The following TNRC6C variants were observed in gnomAD, a reference collection of about 807,000 sequenced individuals.
TNRC6C encodes the protein trinucleotide repeat containing adaptor 6C, also known as trinucleotide repeat-containing gene 6C protein.
Under a neutral mutation model 153.7 loss-of-function variants are expected in TNRC6C, and 20 were observed. That is an observed-to-expected ratio of 0.13 (90% CI 0.09 to 0.19). TNRC6C has a LOEUF of 0.19. Ranked by LOEUF, TNRC6C falls within the 10% of genes least tolerant of loss-of-function variation. The pLI, the probability that TNRC6C is intolerant of heterozygous loss-of-function variation, is 1.00. For synonymous variants in TNRC6C, 811 were observed against 841.4 expected (o/e 0.96, Z 0.63); for missense variants, 1,987 against 2,172.0 (o/e 0.91, Z 1.69).
In TNRC6C at chr17:78,097,754, C is replaced by T. The variant is rs945722506; in HGVS notation, c.4307-589C>T. 12 of 1,548,928 alleles carry T rather than the reference C, an allele frequency of 7.7e-6. No homozygotes were observed. Among genetic ancestry groups the T allele is most frequent in the Admixed American group, 3.9e-5 (2 of 50,758 alleles). On this transcript the variant is annotated intron_variant, in intron 16 of 19. Transcript: ENST00000301624. ...GTGTTTGGTTCTGCAGGGTCCTCCC[C>T]GCCATCATCTCAGAATGCCACGCTG...
At chr17:78,019,295 T>G (rs1194095606) in intron 1 of TNRC6C, among the ~76,000 whole-genome samples, 1 of 152,194 alleles carries the variant, frequency 6.6e-6, no homozygotes, top group Non-Finnish European at 1.5e-5. Context: ...CTTGGTATCT[T>G]AGAGATGACA....
chr17:77,986,627 T>TA (rs1005076431), intron 1 of TNRC6C, among the ~76,000 whole-genome samples: 7 of 152,138 alleles, frequency 4.6e-5, no homozygotes, highest in African/African-American at 9.7e-5. Context: ...ATAAATACTT[T>TA]AAAAAAATAA....
In TNRC6C at chr17:78,105,871, T is replaced by G. The variant is rs1204698805; in HGVS notation, c.*1026T>G. The G allele has an allele frequency of 5.3e-5, 8 of 152,244 alleles. 1 individual carries two copies. In the South Asian group the frequency reaches 1.2e-3, roughly 24 times the overall value. The allele number at this position is 152,244 out of a possible 1,614,324, so 9.4% of individuals were successfully genotyped here. On this transcript the variant is annotated 3_prime_UTR_variant, in exon 20 of 20. Transcript: ENST00000301624. The stretch of plus-strand genomic sequence containing the variant: ...TTACAGAGAATTCCTAGGACAGGGC[T>G]GGCGACAATTCATGTGTAAATGTTT...
chr17:78,032,466 G>A (rs926059193), intron 2 of TNRC6C, among the ~76,000 whole-genome samples: 7 of 152,164 alleles, frequency 4.6e-5, no homozygotes, highest in African/African-American at 1.2e-4. Flanking sequence ...TCCTTGACTT[G>A]ATGGATTTGT....
At chr17:78,077,024 C>A in intron 8 of TNRC6C, 161 bp from the exon 11 acceptor site, 1 of 726,774 alleles carries the variant, frequency 1.4e-6, no homozygotes, top group South Asian at 2.3e-5. Flanking sequence ...TTTTCTTTTT[C>A]CCCTCTTCCT....
chr17:78,078,521 C>T (rs774832497), intron 9 of TNRC6C, among the ~76,000 whole-genome samples: 1 of 152,172 alleles, frequency 6.6e-6, no homozygotes, highest in Non-Finnish European at 1.5e-5. Flanking sequence ...AATCACCACA[C>T]ATTATTACCC....
intron 3 of TNRC6C, among the ~76,000 whole-genome samples, chr17:78,064,106 C>T (rs1284531529): frequency 2.0e-5 from 3 of 152,128 alleles, no homozygotes; most frequent in Admixed American, 1.3e-4. Flanking sequence ...TGCAGTGGCA[C>T]AATCTTGGCT....
intron 1 of TNRC6C, among the ~76,000 whole-genome samples, chr17:78,016,925 A>T (rs1292866370): frequency 6.6e-6 from 1 of 152,148 alleles, no homozygotes; most frequent in Non-Finnish European, 1.5e-5. Flanking sequence ...TGACTGAAGG[A>T]TGGAGAAGCT....
chr17:78,061,760 A>G (rs2072774000), intron 3 of TNRC6C, among the ~76,000 whole-genome samples: 1 of 152,208 alleles, frequency 6.6e-6, no homozygotes, highest in Admixed American at 6.5e-5. Flanking sequence ...TCCATTTCTA[A>G]GATTTTGAAA....
At chr17:78,067,162 G>C (rs1232047338) in intron 4 of TNRC6C, 3 of 152,056 alleles carry the variant, frequency 2.0e-5, no homozygotes, top group Non-Finnish European at 2.9e-5. Context: ...GGGCAACATA[G>C]TGAGACCCCA....
Position 78,104,762 on chromosome 17 carries a change from G to A in TNRC6C, c.4990G>A (p.Ala1664Thr). Residue 1664 changes from alanine to threonine, a missense_variant, in exon 20 of 20, where the codon GCC becomes ACC. Ala to Thr is a moderately conservative substitution (Grantham distance 58, BLOSUM62 0). Around this residue, in one of 4 missense-constraint regions of TNRC6C, gnomAD observed 139 missense variants for 148.5 expected, o/e 0.94. Coordinates refer to ENST00000301624, the Ensembl canonical transcript of TNRC6C. This position sits in a 1 kb window ranked among gnomAD's most constrained non-coding sequence, Gnocchi z 6.2. ...CAGCAGCCTGTGGGGCCCGCCCAGC[G>A]CCGACGACAGCAGGGTGATAGGCAG... 5 of 1,482,348 alleles carry A rather than the reference G, an allele frequency of 3.4e-6. No homozygotes were observed. Among genetic ancestry groups the A allele is most frequent in the East Asian group, 2.6e-5 (1 of 38,714 alleles). 91.8% of individuals were successfully genotyped at this position (1,482,348 alleles called of 1,614,324 possible).
At chr17:78,093,113 A>T (rs767021158) in exon 15 of TNRC6C, 7 of 1,612,692 alleles carry the variant, frequency 4.3e-6, no homozygotes, top group Non-Finnish European at 5.9e-6. Context: ...TCTAGCATCA[A>T]CTGGCCCCCA....
intron 1 of TNRC6C, among the ~76,000 whole-genome samples, chr17:77,961,656 C>CTTAACATATAGTTA (rs1330349606): frequency 3.3e-5 from 5 of 152,092 alleles, no homozygotes; most frequent in Non-Finnish European, 2.9e-5. Context: ...TAGCATATGT[C>CTTAACATATAGTTA]TTAACACTAA....
chr17:78,072,689 C>G (rs957583074), intron 6 of TNRC6C, among the ~76,000 whole-genome samples: 6 of 152,106 alleles, frequency 3.9e-5, no homozygotes, highest in Non-Finnish European at 8.8e-5. Context: ...TTGAGACCAG[C>G]CAGGGCAACA....
chr17:77,995,319 T>C (rs544363768), intron 1 of TNRC6C, among the ~76,000 whole-genome samples: 1 of 152,336 alleles, frequency 6.6e-6, no homozygotes, highest in Admixed American at 6.5e-5. Context: ...GGCTGGAGTG[T>C]GCCTGCAGGA....
intron 3 of TNRC6C, among the ~76,000 whole-genome samples, chr17:78,058,295 A>G (rs2072698998): frequency 6.6e-6 from 1 of 152,242 alleles, no homozygotes; most frequent in Admixed American, 6.5e-5. Context: ...TAAGGGAATG[A>G]AAGCAGATCC....
intron 1 of TNRC6C, among the ~76,000 whole-genome samples, chr17:78,013,518 G>A (rs930891092): frequency 9.2e-5 from 14 of 152,250 alleles, no homozygotes; most frequent in African/African-American, 3.4e-4. Context: ...TATTTGCTTG[G>A]TACTGTGCTG....
At chr17:78,077,278 G>T (rs374469699) in exon 9 of TNRC6C, 19 of 1,592,034 alleles carry the variant, frequency 1.2e-5, no homozygotes, top group Non-Finnish European at 1.6e-5. Flanking sequence ...CCCCAGTCAG[G>T]CCCTGGGTGG....
intron 1 of TNRC6C, among the ~76,000 whole-genome samples, chr17:77,967,664 A>G (rs2070908675): frequency 6.6e-6 from 1 of 152,228 alleles, no homozygotes; most frequent in Non-Finnish European, 1.5e-5. Flanking sequence ...TGACCCAATC[A>G]TGAAAAAACA....
Sources: gnomAD v4.1 joint callset for allele counts (sites outside exome capture counted in the v4.1 genomes callset) on GRCh38, gnomAD v4.1.1 for gene constraint, gnomAD v4.1.1 regional missense constraint, Gnocchi (gnomAD v3.1) non-coding constraint, MANE v1.5 for transcripts, NCBI Gene and HGNC (gene_info 2026-07-23, HGNC 2026-07-21) for gene names.